Variants in TRAPPC3L observed in about 807,000 individuals in gnomAD.
The protein encoded by TRAPPC3L is trafficking protein particle complex subunit 3L.
A neutral mutation model predicts 23.7 loss-of-function variants in TRAPPC3L; 23 were observed. That is an observed-to-expected ratio of 0.97 (90% CI 0.70 to 1.37). TRAPPC3L has a LOEUF of 1.37. Ranked by LOEUF, TRAPPC3L falls within the 40% of genes most tolerant of loss-of-function variation. The probability of loss-of-function intolerance (pLI) is 0.00; values close to 1 mark genes in which losing one functional copy is unlikely to be tolerated. For synonymous variants in TRAPPC3L, 81 were observed against 77.9 expected (o/e 1.04, Z -0.21); for missense variants, 212 against 216.8 (o/e 0.98, Z 0.14).
intron 3 of TRAPPC3L, among the ~76,000 whole-genome samples, chr6:116,514,317 C>T (rs980711692): frequency 3.9e-5 from 6 of 152,058 alleles, no homozygotes; most frequent in Non-Finnish European, 4.4e-5. Flanking sequence ...GGAAGACAGA[C>T]GATGAAGGAA....
chr6:116,501,191 C>A (rs747726038), intron 3 of TRAPPC3L, among the ~76,000 whole-genome samples: 1 of 152,206 alleles, frequency 6.6e-6, no homozygotes, highest in Non-Finnish European at 1.5e-5. Flanking sequence ...GATTCCCTCC[C>A]GAGCCTGTGA....
intron 3 of TRAPPC3L, among the ~76,000 whole-genome samples, chr6:116,532,465 T>C (rs771567711): frequency 6.6e-6 from 1 of 152,216 alleles, no homozygotes; most frequent in Non-Finnish European, 1.5e-5. Flanking sequence ...AGGTGTGGAT[T>C]TACCTGGTGA....
intron 3 of TRAPPC3L, among the ~76,000 whole-genome samples, chr6:116,529,886 G>A (rs950690641): frequency 1.3e-5 from 2 of 152,174 alleles, no homozygotes; most frequent in African/African-American, 4.8e-5. Flanking sequence ...GTGTGTAAGA[G>A]GAGTGTGTGC....
intron 3 of TRAPPC3L, among the ~76,000 whole-genome samples, chr6:116,526,293 A>G (rs1772438252): frequency 6.6e-6 from 1 of 152,168 alleles, no homozygotes; most frequent in South Asian, 2.1e-4. Flanking sequence ...GAAGCATGTA[A>G]AAGACATAAA....
intron 3 of TRAPPC3L, among the ~76,000 whole-genome samples, chr6:116,501,093 A>G (rs1357709635): frequency 6.6e-6 from 1 of 152,174 alleles, no homozygotes; most frequent in Non-Finnish European, 1.5e-5. Context: ...AGCCAAGGGA[A>G]GCCATGAGTA....
chr6:116,501,660 G>A (rs920067553), intron 3 of TRAPPC3L, among the ~76,000 whole-genome samples: 1 of 152,208 alleles, frequency 6.6e-6, no homozygotes, highest in Non-Finnish European at 1.5e-5. Flanking sequence ...CTGGGACAAA[G>A]CTTCCAGAGG....
intron 3 of TRAPPC3L, among the ~76,000 whole-genome samples, chr6:116,504,046 GAC>G (rs990329195): frequency 2.6e-5 from 4 of 151,976 alleles, no homozygotes; most frequent in African/African-American, 4.8e-5. Flanking sequence ...AGGAGATAGA[GAC>G]ACACACACAA....
Position 116,515,645 on chromosome 6 carries a change from C to T in TRAPPC3L, c.241-14979G>A, listed in dbSNP as rs1169940812. 1.1e-5 allele frequency: 17 copies of T among 1,613,750 alleles called. No homozygotes were observed. In the African/African-American group the frequency reaches 2.1e-4, roughly 20 times the overall value. On this transcript the variant is annotated intron_variant, in intron 3 of 4. Transcript: ENST00000368602. ...TTGTTCAGCGTCTTTCTTCTCTCTG[C>T]TCACCACATGTTATGCTCGCTGCCG... is the stretch of plus-strand genomic sequence containing the variant.
chr6:116,540,402 T>A lies in TRAPPC3L; in HGVS notation c.201A>T (p.Arg67Ser). Reference sequence around the variant, plus strand: ...CTATAATTTCTGAATAACTATGGCATCTTCCCACGCAGGATCGAGCCAAAA... The same window carrying A: ...CTATAATTTCTGAATAACTATGGCAACTTCCCACGCAGGATCGAGCCAAAA... ...EDFLARSCVG[R>S]CHSYSEIIDI... The change falls in exon 3 of 5, where the codon AGA (arginine) becomes AGT (serine). Residue 67 changes from arginine to serine, a missense_variant. Transcript: ENST00000368602. 6.4e-7 allele frequency: 1 copy of A among 1,551,372 alleles called. No homozygotes were observed. The highest frequency in any genetic ancestry group is 1.2e-5 in the South Asian group (1 of 84,058).
Position 116,497,044 on chromosome 6 carries a change from C to T in TRAPPC3L, c.456G>A (p.Leu152=). ...MVHLAADVTF[L]QDRLKGDSVT... is the part of the protein sequence containing the mutation. Reference sequence around the variant, plus strand: ...CACTGTCACCTTTTAGTCTGTCTTGCAAGAATGTAACATCAGCCGCCAAAT... The same window carrying T: ...CACTGTCACCTTTTAGTCTGTCTTGTAAGAATGTAACATCAGCCGCCAAAT... Residue 152 remains leucine (L), a synonymous_variant, in exon 5 of 5, where the codon TTG becomes TTA. Coordinates refer to ENST00000368602, the MANE Select transcript of TRAPPC3L (RefSeq NM_001139444.3). 1 of 1,544,064 alleles carries T rather than the reference C, an allele frequency of 6.5e-7. No homozygotes were observed.
chr6:116,495,911 A>C lies in TRAPPC3L; in HGVS notation c.*1043T>G, dbSNP rs1771827983. The stretch of plus-strand genomic sequence containing the variant: ...CTATGGAGTTGGTTGAACTCCTTAT[A>C]TATTCTGGTTATTAATAGCACAAGG... On this transcript the variant is annotated 3_prime_UTR_variant, in exon 5 of 5. Coordinates refer to ENST00000368602, the MANE Select transcript of TRAPPC3L (RefSeq NM_001139444.3). 1 of 152,062 alleles carries C rather than the reference A, an allele frequency of 6.6e-6. No individual in the cohort carries two copies. Among genetic ancestry groups the C allele is most frequent in the African/African-American group, 2.4e-5 (1 of 41,396 alleles). The allele number at this position is 152,062 out of a possible 1,614,324, so 9.4% of individuals were successfully genotyped here.
chr6:116,501,927 C>T (rs899305898), intron 3 of TRAPPC3L, among the ~76,000 whole-genome samples: 4 of 152,150 alleles, frequency 2.6e-5, no homozygotes, highest in Admixed American at 1.3e-4. Context: ...GAAACCAGAG[C>T]AGAAAAGCTG....
intron 3 of TRAPPC3L, chr6:116,522,775 C>T (rs984231639): frequency 3.9e-5 from 6 of 152,096 alleles, no homozygotes; most frequent in Non-Finnish European, 7.4e-5. Context: ...AGTCGTCTCT[C>T]AAAATGTTAT....
In TRAPPC3L at chr6:116,495,013, A is replaced by G. The variant is rs2043060070; in HGVS notation, c.*1941T>C. On this transcript the variant is annotated 3_prime_UTR_variant, in exon 5 of 5. Coordinates refer to ENST00000368602, the MANE Select transcript of TRAPPC3L (RefSeq NM_001139444.3). ...TAGAGACAGGGGTCTATGTTACCCA[A>G]GCTGGTCTCAAACTCCTGAGCTCAA... The G allele has an allele frequency of 8.9e-6, 1 of 111,856 alleles. No individual in the cohort carries two copies. Among genetic ancestry groups the G allele is most frequent in the African/African-American group, 3.6e-5 (1 of 27,962 alleles). 6.9% of individuals were successfully genotyped at this position (111,856 alleles called of 1,614,324 possible). A position where few individuals can be genotyped will look rare whatever the true frequency, so the allele number is the denominator to read the frequency against.
intron 3 of TRAPPC3L, among the ~76,000 whole-genome samples, chr6:116,505,659 A>G (rs1771992404): frequency 6.6e-6 from 1 of 152,246 alleles, no homozygotes; most frequent in Non-Finnish European, 1.5e-5. Flanking sequence ...TGGTACTGGT[A>G]CCAAAACAGA....
chr6:116,525,128 C>T (rs964562075), intron 3 of TRAPPC3L, among the ~76,000 whole-genome samples: 4 of 152,164 alleles, frequency 2.6e-5, no homozygotes, highest in Non-Finnish European at 4.4e-5. Context: ...GTTCATATAA[C>T]TTTTCAAAGT....
At chr6:116,523,381 T>A (rs1772380340) in intron 3 of TRAPPC3L, 1 of 152,262 alleles carries the variant, frequency 6.6e-6, no homozygotes, top group African/African-American at 2.4e-5. Flanking sequence ...GTAAATGGTT[T>A]CTTTTTTCCA....
chr6:116,537,704 G>T (rs753995805), intron 3 of TRAPPC3L, among the ~76,000 whole-genome samples: 2 of 152,202 alleles, frequency 1.3e-5, no homozygotes, highest in African/African-American at 4.8e-5. Context: ...GGCAAGGTGA[G>T]GAGCATTCGC....
At chr6:116,525,708 T>C (rs1031393700) in intron 3 of TRAPPC3L, among the ~76,000 whole-genome samples, 3 of 152,222 alleles carry the variant, frequency 2.0e-5, no homozygotes, top group African/African-American at 7.2e-5. Flanking sequence ...CACTGGGCCA[T>C]TTCAAGAAAT....
Sources: gnomAD v4.1 joint callset for allele counts (sites outside exome capture counted in the v4.1 genomes callset) on GRCh38, gnomAD v4.1.1 for gene constraint, MANE v1.5 for transcripts, NCBI Gene and HGNC (gene_info 2026-07-23, HGNC 2026-07-21) for gene names.